The following CCSER2 variants were observed in gnomAD, a reference collection of about 807,000 sequenced individuals.
CCSER2 encodes the protein serine-rich coiled-coil domain-containing protein 2.
CCSER2 carries 46 observed loss-of-function variants against 92.3 expected under a neutral mutation model. That is an observed-to-expected ratio of 0.50 (90% confidence interval 0.39 to 0.64). CCSER2 has a LOEUF of 0.64. Among genes scored for constraint, CCSER2 ranks in the 30% least tolerant of loss-of-function variants. The probability of loss-of-function intolerance (pLI) is 0.00; values close to 1 mark genes in which losing one functional copy is unlikely to be tolerated. For missense variants in CCSER2, 1,244 were observed against 1,238.9 expected, an observed-to-expected ratio of 1.00 and a Z score of -0.06; for synonymous variants, 433 against 431.4, an observed-to-expected ratio of 1.00 and a Z score of -0.04.
rs558582646 is a variant in CCSER2, at chr10:84,514,200, A to G, written c.3077A>G (p.Asn1026Ser). ...RKEIMQNPNG[N>S]LHSGDCLASN... ...GAAATCATGCAGAATCCAAATGGCAATTTGCATTCTGGGGATTGTTTGGCC... is the reference window on the plus strand; with the variant it reads ...GAAATCATGCAGAATCCAAATGGCAGTTTGCATTCTGGGGATTGTTTGGCC... Residue 1026 changes from asparagine (N) to serine (S), a missense_variant, in exon 10 of 10, where the codon AAT (asparagine) becomes AGT (serine). Asn to Ser is a conservative substitution (Grantham distance 46, BLOSUM62 1). Coordinates refer to ENST00000372088, the MANE Select transcript of CCSER2 (RefSeq NM_001284240.2). 150 of 1,536,478 alleles carry G rather than the reference A, an allele frequency of 9.8e-5. No individual in the cohort carries two copies. In the South Asian group the frequency reaches 1.2e-3, roughly 12 times the overall value.
At chr10:84,500,153 G>GGT (rs1465818994) in intron 9 of CCSER2, 14 of 252,928 alleles carry the variant, frequency 5.5e-5, no homozygotes, top group Non-Finnish European at 2.5e-5. Flanking sequence ...TCTACTTAGA[G>GGT]CCTTATGGAA....
intron 5 of CCSER2, among the ~76,000 whole-genome samples, chr10:84,434,147 A>AT (rs1347669041): frequency 1.3e-5 from 2 of 151,872 alleles, no homozygotes; most frequent in African/African-American, 4.8e-5. Flanking sequence ...TTCATCTCTT[A>AT]TTTTTTATTA....
intron 9 of CCSER2, among the ~76,000 whole-genome samples, chr10:84,496,355 G>A (rs1269894343): frequency 6.6e-6 from 1 of 151,824 alleles, no homozygotes; most frequent in Non-Finnish European, 1.5e-5. Flanking sequence ...GGGTGATCTC[G>A]GCTCACAGCA....
chr10:84,391,764 G>A (rs1841531789), intron 3 of CCSER2: 1 of 1,546,906 alleles, frequency 6.5e-7, no homozygotes, highest in Non-Finnish European at 8.9e-7. Context: ...GAAGACCCTG[G>A]TGCACCTTTC....
rs576271209 is a variant in CCSER2 at position 84,420,716 on chromosome 10, A to G, written c.1705+2855A>G. On this transcript the variant is annotated intron_variant, in intron 4 of 9. Coordinates refer to ENST00000372088, the MANE Select transcript of CCSER2 (RefSeq NM_001284240.2). Reference sequence around the variant, plus strand: ...TGGGAGGCCAAGGTGGGCAGAACACAAGGTCAGGAGATTGAGACCATCCTG... The same window carrying G: ...TGGGAGGCCAAGGTGGGCAGAACACGAGGTCAGGAGATTGAGACCATCCTG... 2.6e-5 allele frequency among the ~76,000 whole-genome samples: 4 copies of G among 152,108 alleles called. No individual in the cohort carries two copies. The South Asian group carries it at 8.3e-4, about 32-fold the overall frequency.
intron 6 of CCSER2, among the ~76,000 whole-genome samples, chr10:84,450,771 A>G (rs1845230705): frequency 6.6e-6 from 1 of 152,218 alleles, no homozygotes; most frequent in African/African-American, 2.4e-5. Context: ...TAAAGTAGTA[A>G]TCAAGATAGC....
At chr10:84,484,540 T>G (rs1311768243) in intron 9 of CCSER2, among the ~76,000 whole-genome samples, 1 of 152,072 alleles carries the variant, frequency 6.6e-6, no homozygotes, top group Non-Finnish European at 1.5e-5. Context: ...ACTTCTTTGC[T>G]AAGGCCTTTT....
intron 5 of CCSER2, among the ~76,000 whole-genome samples, chr10:84,434,346 C>G (rs1426436756): frequency 6.6e-6 from 1 of 152,154 alleles, no homozygotes. Flanking sequence ...TCTTCATAGT[C>G]TCCTTTTATT....
intron 6 of CCSER2, among the ~76,000 whole-genome samples, chr10:84,451,432 C>T (rs11201042): frequency 0.16 from 24,074 of 151,656 alleles, 1,919 homozygotes; most frequent in South Asian, 0.19. Context: ...AGGCACGTGC[C>T]GTTGCGTCCA....
intron 3 of CCSER2, among the ~76,000 whole-genome samples, chr10:84,383,446 GA>G (rs1193343618): frequency 6.6e-6 from 1 of 152,056 alleles, no homozygotes; most frequent in East Asian, 1.9e-4. Context: ...AAGTAGCTGG[GA>G]CTACAGGTGC....
intron 3 of CCSER2, among the ~76,000 whole-genome samples, chr10:84,407,967 G>C (rs1246701544): frequency 3.3e-5 from 5 of 152,096 alleles, no homozygotes; most frequent in African/African-American, 1.2e-4. Context: ...TTGCATGGAG[G>C]GGAGGGGCGG....
chr10:84,368,624 C>T (rs547541000), intron 1 of CCSER2, among the ~76,000 whole-genome samples: 46 of 152,126 alleles, frequency 3.0e-4, no homozygotes, highest in Admixed American at 7.9e-4. Context: ...TTTCGAATGT[C>T]TTCTAGCTTT....
At chr10:84,346,758 T>TA (rs1564583564) in intron 1 of CCSER2, among the ~76,000 whole-genome samples, 3 of 144,912 alleles carry the variant, frequency 2.1e-5, no homozygotes, top group Non-Finnish European at 4.6e-5. Context: ...ATTTCTTTTT[T>TA]TTTATATATA....
intron 3 of CCSER2, among the ~76,000 whole-genome samples, chr10:84,411,199 C>T (rs1842631750): frequency 6.6e-6 from 1 of 152,026 alleles, no homozygotes; most frequent in African/African-American, 2.4e-5. Context: ...CATGATGCCA[C>T]CAGAATCTGG....
In CCSER2 at chr10:84,408,603, A is replaced by G. The variant is rs963623957; in HGVS notation, c.1615-9168A>G. ...AGGCTGTATTTTTTAACCATTCATTATAAAATGAAAGGTACAGAAAATCAC... is the reference window on the plus strand; with the variant it reads ...AGGCTGTATTTTTTAACCATTCATTGTAAAATGAAAGGTACAGAAAATCAC... On this transcript the variant is annotated intron_variant, in intron 3 of 9. Coordinates refer to ENST00000372088, the MANE Select transcript of CCSER2 (RefSeq NM_001284240.2). Among the ~76,000 whole-genome samples, 5 of 152,170 alleles carry G rather than the reference A, an allele frequency of 3.3e-5. 1 individual carries two copies. The highest frequency in any genetic ancestry group is 2.6e-4 in the Admixed American group (4 of 15,274).
intron 6 of CCSER2, among the ~76,000 whole-genome samples, chr10:84,444,309 T>A (rs1249431311): frequency 1.3e-5 from 2 of 152,126 alleles, no homozygotes; most frequent in Non-Finnish European, 1.5e-5. Flanking sequence ...TTTAAAAAAA[T>A]TACTGTAAGG....
At position 84,382,975 on chromosome 10, in the gene CCSER2, G is replaced by T. The variant is rs7094403; in HGVS notation, c.1614+9160G>T. On this transcript the variant is annotated intron_variant, in intron 3 of 9. Transcript: ENST00000372088. ...CTGTGTTTTACTAAGAGGAGAGCTG[G>T]CTAGATTTGGGTTTCTACCTTGTGA... Among the ~76,000 whole-genome samples the T allele has an allele frequency of 3.0e-3, 462 of 152,266 alleles. 4 individuals carry two copies. Among genetic ancestry groups the T allele is most frequent in the African/African-American group, 0.011 (441 of 41,558 alleles).
intron 9 of CCSER2, among the ~76,000 whole-genome samples, chr10:84,492,068 A>G (rs1245877570): frequency 6.6e-6 from 1 of 152,172 alleles, no homozygotes; most frequent in South Asian, 2.1e-4. Context: ...TCACGAGGTC[A>G]GGAGATGGAG....
At chr10:84,390,910 G>C in intron 3 of CCSER2, 1 of 735,190 alleles carries the variant, frequency 1.4e-6, no homozygotes, top group Non-Finnish European at 2.6e-6. Flanking sequence ...TTGCTGCCTA[G>C]AAGAGGAGGC....
Sources: gnomAD v4.1 joint callset for allele counts (sites outside exome capture counted in the v4.1 genomes callset) on GRCh38, gnomAD v4.1.1 for gene constraint, MANE v1.5 for transcripts, NCBI Gene and HGNC (gene_info 2026-07-23, HGNC 2026-07-21) for gene names.